The following MCPH1 variants were observed in gnomAD, a reference collection of about 807,000 sequenced individuals.
MCPH1 encodes the protein microcephalin.
A neutral mutation model predicts 84.5 loss-of-function variants in MCPH1; 104 were observed. That is an observed-to-expected ratio of 1.23 (90% CI 1.05 to 1.45). The LOEUF (loss-of-function observed/expected upper bound fraction) is 1.45, where lower values mean the gene tolerates loss of function less well. Among genes scored for constraint, MCPH1 ranks in the 40% most tolerant of loss-of-function variants. The pLI, the probability that MCPH1 is intolerant of heterozygous loss-of-function variation, is 0.00. For synonymous variants in MCPH1, 514 were observed against 366.8 expected (o/e 1.40, Z -4.58); for missense variants, 1,498 against 1,005.7 (o/e 1.49, Z -6.62).
intron 12 of MCPH1, among the ~76,000 whole-genome samples, chr8:6,601,709 C>T (rs1242482982): frequency 6.6e-6 from 1 of 151,000 alleles, no homozygotes; most frequent in Non-Finnish European, 1.5e-5. Flanking sequence ...ACACAACACA[C>T]ACCACACACA....
At chr8:6,632,436 A>G (rs781361716) in intron 13 of MCPH1, among the ~76,000 whole-genome samples, 3 of 152,174 alleles carry the variant, frequency 2.0e-5, no homozygotes, top group African/African-American at 4.8e-5. Context: ...AAAAAAAAAG[A>G]AATCTATTCA....
chr8:6,594,029 C>A (rs2129577833), intron 12 of MCPH1, among the ~76,000 whole-genome samples: 1 of 152,322 alleles, frequency 6.6e-6, no homozygotes, highest in South Asian at 2.1e-4. Context: ...GTATAACCTT[C>A]CTGGGTTTTC....
In MCPH1 at chr8:6,495,788, T is replaced by G. The variant is rs889646620; in HGVS notation, c.2137-4064T>G. Among the ~76,000 whole-genome samples the G allele has an allele frequency of 1.8e-4, 27 of 152,228 alleles. 1 individual carries two copies. The highest frequency in any genetic ancestry group is 6.5e-4 in the African/African-American group (27 of 41,468). ...ATTAAAGTAAAGATGTGTCTAACTT[T>G]ACTCCTAAAGTATCATCCAGTAAAG... On this transcript the variant is annotated intron_variant, in intron 11 of 13. Coordinates refer to ENST00000344683, the MANE Select transcript of MCPH1 (RefSeq NM_024596.5).
At chr8:6,605,939 T>C (rs1225533628) in intron 12 of MCPH1, among the ~76,000 whole-genome samples, 4 of 152,152 alleles carry the variant, frequency 2.6e-5, no homozygotes, top group South Asian at 2.1e-4. Context: ...TCAAGTGATC[T>C]ACCCCCCTTG....
rs1050776497 is a variant in MCPH1 at position 6,520,606 on chromosome 8, C to T, written c.2214+20677C>T. ...AGACAGGATTTCACCATGTTGGCCACGCTGGTCTCCAACTCCTGTCCTCAA... is the reference window on the plus strand; with the variant it reads ...AGACAGGATTTCACCATGTTGGCCATGCTGGTCTCCAACTCCTGTCCTCAA... On this transcript the variant is annotated intron_variant, in intron 12 of 13. Coordinates refer to ENST00000344683, the MANE Select transcript of MCPH1 (RefSeq NM_024596.5). 4.4e-4 allele frequency among the ~76,000 whole-genome samples: 67 copies of T among 152,202 alleles called. No individual in the cohort carries two copies. The Middle Eastern group carries it at 0.01, about 23-fold the overall frequency.
chr8:6,406,782 C>A, intron 1 of MCPH1, 93 bp downstream of exon 1: 1 of 1,373,698 alleles, frequency 7.3e-7, no homozygotes, highest in Non-Finnish European at 1.0e-6. Context: ...GTGGGAGGAG[C>A]CCCGCTCGCC....
intron 12 of MCPH1, among the ~76,000 whole-genome samples, chr8:6,591,788 C>A (rs1828475531): frequency 6.6e-6 from 1 of 152,166 alleles, no homozygotes; most frequent in Non-Finnish European, 1.5e-5. Flanking sequence ...CTTCGTCTAA[C>A]CCCCTAGAAT....
chr8:6,612,824 G>T (rs1830402881), intron 12 of MCPH1, among the ~76,000 whole-genome samples: 2 of 152,254 alleles, frequency 1.3e-5, no homozygotes, highest in South Asian at 4.1e-4. Context: ...TCGTGGGTGT[G>T]GTGGAAGCAA....
intron 12 of MCPH1, among the ~76,000 whole-genome samples, chr8:6,581,928 G>C (rs544332659): frequency 6.6e-6 from 1 of 152,252 alleles, no homozygotes; most frequent in African/African-American, 2.4e-5. Context: ...CTTTTATAAG[G>C]ACACTAATCC....
At chr8:6,508,788 A>G in intron 12 of MCPH1, 6 of 1,187,620 alleles carry the variant, frequency 5.1e-6, no homozygotes, top group South Asian at 1.3e-5. Flanking sequence ...TGAAAAACAC[A>G]TTTACCTATA....
intron 12 of MCPH1, among the ~76,000 whole-genome samples, chr8:6,580,631 A>C (rs1185244995): frequency 6.6e-6 from 1 of 152,188 alleles, no homozygotes; most frequent in Admixed American, 6.5e-5. Context: ...AGCCTGGGCT[A>C]CAGAGCAAGA....
chr8:6,632,890 C>G (rs1416292412), intron 13 of MCPH1, among the ~76,000 whole-genome samples: 1 of 151,954 alleles, frequency 6.6e-6, no homozygotes, highest in Non-Finnish European at 1.5e-5. Context: ...AACACACACA[C>G]ACATAACCAA....
At chr8:6,429,098 G>T (rs1453992366) in intron 3 of MCPH1, among the ~76,000 whole-genome samples, 2 of 152,160 alleles carry the variant, frequency 1.3e-5, no homozygotes, top group Non-Finnish European at 2.9e-5. Flanking sequence ...ACTCTTGATT[G>T]CAGTGTACAT....
At chr8:6,429,208 T>C (rs1801487099) in intron 3 of MCPH1, among the ~76,000 whole-genome samples, 1 of 152,248 alleles carries the variant, frequency 6.6e-6, no homozygotes, top group Non-Finnish European at 1.5e-5. Flanking sequence ...ATATATTTCC[T>C]TTCATGGAAA....
In MCPH1 at chr8:6,576,227, A is replaced by G. The variant is rs115240594; in HGVS notation, c.2215-45227A>G. 6.6e-3 allele frequency among the ~76,000 whole-genome samples: 1,008 copies of G among 152,184 alleles called. 10 individuals are homozygous for G. The highest frequency in any genetic ancestry group is 0.022 in the African/African-American group (932 of 41,516). ...TGCAAAGCTTCATTCTGCAGCAGTA[A>G]AAGTGTTTCCTAGAAGTACTAAGGC... On this transcript the variant is annotated intron_variant, in intron 12 of 13. Transcript: ENST00000344683.
chr8:6,444,168 C>G (rs535915991), intron 7 of MCPH1, among the ~76,000 whole-genome samples: 4 of 152,208 alleles, frequency 2.6e-5, no homozygotes, highest in South Asian at 2.1e-4. Flanking sequence ...CACCTCTTCT[C>G]TATCCCCACT....
At chr8:6,528,509 A>G (rs776032639) in intron 12 of MCPH1, among the ~76,000 whole-genome samples, 1 of 152,030 alleles carries the variant, frequency 6.6e-6, no homozygotes, top group Non-Finnish European at 1.5e-5. Context: ...TCTTCTTGCC[A>G]TTTCTCCTTC....
rs114820337 is a variant in MCPH1, at chr8:6,539,951, G to A, written c.2214+40022G>A. Among the ~76,000 whole-genome samples, 1,047 of 152,164 alleles carry A rather than the reference G, an allele frequency of 6.9e-3. 13 individuals are homozygous for A. The highest frequency in any genetic ancestry group is 0.024 in the African/African-American group (1,009 of 41,504). ...GATAACCAACCCCTTTCCTACTTTC[G>A]CTAGTATAAGAGACTGAAAGTTCAC... is the stretch of plus-strand genomic sequence containing the variant. On this transcript the variant is annotated intron_variant, in intron 12 of 13. Coordinates refer to ENST00000344683, the MANE Select transcript of MCPH1 (RefSeq NM_024596.5).
rs373228336 is a variant in MCPH1 at position 6,645,184 on chromosome 8, G to A, written c.*2135G>A. On this transcript the variant is annotated 3_prime_UTR_variant, in exon 14 of 14. Transcript: ENST00000344683. The stretch of plus-strand genomic sequence containing the variant: ...CAGCCACGGAGCCAGCCCAGCCTCT[G>A]CCCACCCAGGCCTCAGTCCCCAGTG... 71 of 152,434 alleles carry A rather than the reference G, an allele frequency of 4.7e-4. No homozygotes were observed. Among genetic ancestry groups the A allele is most frequent in the African/African-American group, 1.6e-3 (66 of 41,530 alleles). 9.4% of individuals were successfully genotyped at this position (152,434 alleles called of 1,614,324 possible). A position where few individuals can be genotyped will look rare whatever the true frequency, so the allele number is the denominator to read the frequency against.
Sources: allele counts gnomAD v4.1 joint callset (sites outside exome capture counted in the v4.1 genomes callset), GRCh38; gene constraint gnomAD v4.1.1; transcripts MANE v1.5; gene names NCBI Gene and HGNC (gene_info 2026-07-23, HGNC 2026-07-21).